IQGAP2: variants seen among roughly 807,000 people sequenced by gnomAD.
IQGAP2 encodes the protein ras GTPase-activating-like protein IQGAP2.
In IQGAP2, 173 loss-of-function variants were observed where a neutral mutation model predicts 201.3. The ratio of observed to expected loss-of-function variants is 0.86; its 90% CI spans 0.76 to 0.98. The LOEUF is 0.98. IQGAP2 is among the 50% of genes least tolerant of loss of function. The pLI, the probability that IQGAP2 is intolerant of heterozygous loss-of-function variation, is 0.00. For missense variants in IQGAP2, 1,687 were observed against 1,864.8 expected (o/e 0.90, Z 1.76); for synonymous variants, 675 against 673.9 (o/e 1.00, Z -0.03).
At chr5:76,572,379 G>T (rs547815362) in intron 4 of IQGAP2, among the ~76,000 whole-genome samples, 2 of 152,188 alleles carry the variant, frequency 1.3e-5, no homozygotes, top group African/African-American at 4.8e-5. Flanking sequence ...GGCCAGGCTG[G>T]TTTTGAACTC....
chr5:76,428,437 C>CTT (rs1003388325), intron 1 of IQGAP2, among the ~76,000 whole-genome samples: 10 of 135,698 alleles, frequency 7.4e-5, no homozygotes, highest in African/African-American at 8.2e-5. Context: ...ATCCTTTTTT[C>CTT]TTTTTTTTTT....
intron 34 of IQGAP2, 58 bp downstream of exon 34, chr5:76,701,271 T>G: frequency 3.9e-6 from 6 of 1,546,500 alleles, no homozygotes; most frequent in Non-Finnish European, 4.5e-6. Context: ...CTTGTGGCCT[T>G]GGAGAGAGCT....
At chr5:76,561,242 G>T (rs1294586437) in intron 2 of IQGAP2, among the ~76,000 whole-genome samples, 1 of 152,148 alleles carries the variant, frequency 6.6e-6, no homozygotes, top group East Asian at 1.9e-4. Flanking sequence ...GATAAGGGGG[G>T]TCTACTGGAT....
chr5:76,587,004 C>A (rs541479572), intron 5 of IQGAP2, among the ~76,000 whole-genome samples: 3 of 152,322 alleles, frequency 2.0e-5, no homozygotes, highest in Non-Finnish European at 2.9e-5. Context: ...TTATAAAAGT[C>A]ATTGAACCCA....
At chr5:76,593,244 A>G (rs1746782108) in intron 9 of IQGAP2, among the ~76,000 whole-genome samples, 1 of 152,214 alleles carries the variant, frequency 6.6e-6, no homozygotes, top group Non-Finnish European at 1.5e-5. Flanking sequence ...ATTATAATTT[A>G]CAGATTGTAG....
rs3797381 is a variant in IQGAP2, at chr5:76,593,858, C to G, written c.907+933C>G. On this transcript the variant is annotated intron_variant, in intron 9 of 35. Coordinates refer to ENST00000274364, the MANE Select transcript of IQGAP2 (RefSeq NM_006633.5). The stretch of plus-strand genomic sequence containing the variant: ...TGAATATTCTTTTTTGCTTGTAACT[C>G]TTGCAAAGAAGTGTACACCCACGGT... Among the ~76,000 whole-genome samples, 24 of 152,298 alleles carry G rather than the reference C, an allele frequency of 1.6e-4. No individual in the cohort carries two copies. In the East Asian group the frequency reaches 4.0e-3, roughly 26 times the overall value.
chr5:76,642,962 A>G lies in IQGAP2; in HGVS notation c.2094+1859A>G, dbSNP rs560620802. The stretch of plus-strand genomic sequence containing the variant: ...ATAGAGGAAGTCAAGGAGAATCTAC[A>G]TAGCCATATTATTTTTGAGCAGTTA... On this transcript the variant is annotated intron_variant, in intron 17 of 35. Transcript: ENST00000274364. Among the ~76,000 whole-genome samples the G allele has an allele frequency of 5.3e-5, 8 of 152,314 alleles. No individual in the cohort carries two copies. The East Asian group carries it at 7.7e-4, about 15-fold the overall frequency.
intron 22 of IQGAP2, among the ~76,000 whole-genome samples, chr5:76,666,456 A>G (rs1229923599): frequency 6.6e-6 from 1 of 152,252 alleles, no homozygotes. Flanking sequence ...AGAATTTGTC[A>G]TAAGTTAAAA....
chr5:76,478,174 T>C (rs1321274465), intron 2 of IQGAP2, among the ~76,000 whole-genome samples: 4 of 151,156 alleles, frequency 2.6e-5, no homozygotes, highest in Non-Finnish European at 5.9e-5. Context: ...CCAAGGCGGG[T>C]GGATCACCTG....
At chr5:76,575,649 G>A (rs1449430180) in intron 4 of IQGAP2, 44 bp from the exon 5 acceptor site, 1 of 1,279,376 alleles carries the variant, frequency 7.8e-7, no homozygotes, top group Admixed American at 2.0e-5. Context: ...AAATACTTGT[G>A]AGAAGCAAAA....
In IQGAP2 at chr5:76,570,633, G is replaced by A. The variant is rs746302129; in HGVS notation, c.357G>A (p.Ala119=). The A allele has an allele frequency of 9.3e-6, 15 of 1,613,352 alleles. No homozygotes were observed. The highest frequency in any genetic ancestry group is 1.6e-4 in the Middle Eastern group (1 of 6,084). ...ATAATACCGTCCAGTGGTTAAGAGC[G>A]ATGGAGTCTATTGGTCTACCCAAGG... ...HTDNTVQWLR[A]MESIGLPKIF... is the part of the protein sequence containing the mutation. The change falls in exon 4 of 36, where the codon GCG becomes GCA. Residue 119 remains alanine (A), a synonymous_variant. Transcript: ENST00000274364.
chr5:76,596,276 A>G (rs575556047), intron 9 of IQGAP2, among the ~76,000 whole-genome samples: 32 of 152,336 alleles, frequency 2.1e-4, no homozygotes, highest in African/African-American at 7.7e-4. Flanking sequence ...ATGTATGGGT[A>G]TGTGTTACTT....
intron 29 of IQGAP2, 93 bp downstream of exon 29, chr5:76,683,310 C>G: frequency 1.3e-6 from 1 of 743,558 alleles, no homozygotes; most frequent in Admixed American, 3.0e-5. Context: ...CTAGATAAAA[C>G]AATTATTTTG....
At chr5:76,455,933 T>C (rs1322864427) in intron 1 of IQGAP2, among the ~76,000 whole-genome samples, 1 of 152,166 alleles carries the variant, frequency 6.6e-6, no homozygotes, top group African/African-American at 2.4e-5. Context: ...ATTTATAACT[T>C]TGGAAGGTTC....
chr5:76,480,637 T>A (rs970625525), intron 2 of IQGAP2, among the ~76,000 whole-genome samples: 1 of 152,208 alleles, frequency 6.6e-6, no homozygotes, highest in Non-Finnish European at 1.5e-5. Context: ...CTGTATGTTA[T>A]CTTGTCTCCC....
intron 16 of IQGAP2, among the ~76,000 whole-genome samples, chr5:76,640,489 G>T (rs746662630): frequency 1.3e-5 from 2 of 151,982 alleles, no homozygotes; most frequent in South Asian, 4.1e-4. Flanking sequence ...TCGTTACAGG[G>T]GTCTGCCTAC....
chr5:76,466,730 G>C (rs1465520116), intron 2 of IQGAP2, among the ~76,000 whole-genome samples: 1 of 152,294 alleles, frequency 6.6e-6, no homozygotes, highest in East Asian at 1.9e-4. Context: ...CTAAATGTGA[G>C]AGCCACAACT....
rs373417790 is a variant in IQGAP2 at position 76,637,098 on chromosome 5, T to A, written c.1845T>A (p.Thr615=). ...AAAAATATGACTACTATTACAACAC[T>A]GATTCAAAAGAGAGTTCCTGGGTCA... ...LHKKYDYYYN[T]DSKESSWVTP... is the part of the protein sequence containing the mutation. Residue 615 remains threonine (T), a synonymous_variant, in exon 16 of 36, where the codon ACT becomes ACA. Transcript: ENST00000274364. 4 of 1,611,646 alleles carry A rather than the reference T, an allele frequency of 2.5e-6. No individual in the cohort carries two copies. The African/African-American group carries it at 4.0e-5, about 16-fold the overall frequency.
At chr5:76,575,628 T>C (rs549528805) in intron 4 of IQGAP2, 65 bp from the exon 5 acceptor site, 5 of 943,234 alleles carry the variant, frequency 5.3e-6, no homozygotes, top group South Asian at 1.7e-5. Flanking sequence ...TAGGGTCATT[T>C]TGGGAAGTTA....
Sources: allele counts gnomAD v4.1 joint callset (sites outside exome capture counted in the v4.1 genomes callset), GRCh38; gene constraint gnomAD v4.1.1; transcripts MANE v1.5; gene names NCBI Gene and HGNC (gene_info 2026-07-23, HGNC 2026-07-21).